Variants in CABIN1 observed in about 807,000 individuals in gnomAD.
CABIN1 encodes the protein calcineurin binding protein 1.
A neutral mutation model predicts 227.7 loss-of-function variants in CABIN1; 133 were observed. The ratio of observed to expected loss-of-function variants is 0.58; its 90% CI spans 0.51 to 0.67. CABIN1 has a LOEUF of 0.67. Among genes scored for constraint, CABIN1 ranks in the 30% least tolerant of loss-of-function variants. CABIN1 has a pLI of 0.00. For synonymous variants in CABIN1, 1,086 were observed against 1,155.1 expected (o/e 0.94, Z 1.21); for missense variants, 2,408 against 2,852.5 (o/e 0.84, Z 3.55).
At position 24,038,480 on chromosome 22, in the gene CABIN1, A is replaced by G. The variant is rs769470450; in HGVS notation, c.210+19A>G. The G allele has an allele frequency of 1.3e-6, 2 of 1,576,306 alleles. No homozygotes were observed. Among genetic ancestry groups the G allele is most frequent in the East Asian group, 2.2e-5 (1 of 44,712 alleles). On this transcript the variant is annotated intron_variant, in intron 4 of 36. Coordinates refer to ENST00000263119, the MANE Select transcript of CABIN1 (RefSeq NM_012295.4). Reference sequence around the variant, plus strand: ...GCGGGAGGTGAGGCATCAGCAGGCCAGGCAGTGTGCCGTGGTGGTTAGTGC... The same window carrying G: ...GCGGGAGGTGAGGCATCAGCAGGCCGGGCAGTGTGCCGTGGTGGTTAGTGC...
chr22:24,087,841 G>A (rs2041268882), intron 23 of CABIN1, 128 bp downstream of exon 23: 3 of 1,241,962 alleles, frequency 2.4e-6, no homozygotes, highest in Non-Finnish European at 3.4e-6. Context: ...GCTCACTGAC[G>A]AATCTCCCCA....
Position 24,136,984 on chromosome 22 carries a change from C to G in CABIN1, c.4746+2569C>G, listed in dbSNP as rs147782995. On this transcript the variant is annotated intron_variant, in intron 29 of 36. Coordinates refer to ENST00000263119, the MANE Select transcript of CABIN1 (RefSeq NM_012295.4). ...TCTGCAGTTGATAGGCGAGTTGGAG[C>G]TAGACAAGTTGCTTAATTTCCCTGT... Among the ~76,000 whole-genome samples, 3 of 152,232 alleles carry G rather than the reference C, an allele frequency of 2.0e-5. No individual in the cohort carries two copies. In the East Asian group the frequency reaches 5.8e-4, roughly 29 times the overall value.
rs775887592 is a variant in CABIN1 at position 24,070,889 on chromosome 22, A to G, written c.2322A>G (p.Ser774=). 2 of 1,614,226 alleles carry G rather than the reference A, an allele frequency of 1.2e-6. No homozygotes were observed. The highest frequency in any genetic ancestry group is 1.7e-6 in the Non-Finnish European group (2 of 1,180,030). Residue 774 remains serine, a synonymous_variant, in exon 17 of 37, where the codon TCA becomes TCG. Coordinates refer to ENST00000263119, the MANE Select transcript of CABIN1 (RefSeq NM_012295.4). ...LNEAVQQMVN[S]GEAAAKEEWV... ...AGGCTGTCCAGCAGATGGTGAACTC[A>G]GGTGAGGCTGCCGCCAAGGAGGAGT...
intron 33 of CABIN1, among the ~76,000 whole-genome samples, chr22:24,169,505 C>T (rs765205493): frequency 1.3e-4 from 20 of 152,174 alleles, no homozygotes; most frequent in Non-Finnish European, 2.2e-4. Flanking sequence ...GTGGGCCAGA[C>T]GAGGCATGCT....
At chr22:24,143,204 CA>C (rs139937060) in intron 29 of CABIN1, among the ~76,000 whole-genome samples, 8,070 of 152,262 alleles carry the variant, frequency 0.053, 297 homozygotes, top group Middle Eastern at 0.088. Flanking sequence ...AGCCTCAAGT[CA>C]GGGGCCCCCT....
At chr22:24,012,356 A>G (rs2034883308) in intron 1 of CABIN1, among the ~76,000 whole-genome samples, 1 of 152,186 alleles carries the variant, frequency 6.6e-6, no homozygotes, top group Non-Finnish European at 1.5e-5. Flanking sequence ...TGTAAAAACC[A>G]TTCTTTGCTC....
intron 29 of CABIN1, among the ~76,000 whole-genome samples, chr22:24,147,335 C>G (rs1226256802): frequency 1.6e-5 from 2 of 121,302 alleles, no homozygotes; most frequent in Admixed American, 1.7e-4. Flanking sequence ...CTCCTCTCCT[C>G]CCTCCCTCCC....
At position 24,050,953 on chromosome 22, in the gene CABIN1, T is replaced by C; in HGVS notation, c.785T>C (p.Val262Ala). 6.2e-7 allele frequency: 1 copy of C among 1,614,216 alleles called. No individual in the cohort carries two copies. The change falls in exon 8 of 37, where the codon GTG becomes GCG. Residue 262 changes from valine (V) to alanine (A), a missense_variant. Coordinates refer to ENST00000263119, the MANE Select transcript of CABIN1 (RefSeq NM_012295.4). ...GAGAAGGAGCCGGACCTGAAACTTG[T>C]GCAGCCCATTCCTTTCTTCACGTAG... is the stretch of plus-strand genomic sequence containing the variant. Reference protein sequence around the residue: ...VREKEPDLKLVQPIPFFTWKC... With the variant: ...VREKEPDLKLAQPIPFFTWKC...
At chr22:24,051,785 C>T (rs1338947601) in intron 8 of CABIN1, among the ~76,000 whole-genome samples, 2 of 152,050 alleles carry the variant, frequency 1.3e-5, no homozygotes, top group Non-Finnish European at 2.9e-5. Flanking sequence ...CAACATCTCT[C>T]TCATAGGGTT....
chr22:24,107,798 C>T (rs978767185), intron 26 of CABIN1, among the ~76,000 whole-genome samples: 16 of 152,204 alleles, frequency 1.1e-4, no homozygotes, highest in Admixed American at 3.3e-4. Context: ...GCCTGTGAGC[C>T]GGTGAGCTCG....
At chr22:24,055,257 G>A (rs1464733859) in intron 9 of CABIN1, 98 bp downstream of exon 9, 3 of 1,380,440 alleles carry the variant, frequency 2.2e-6, no homozygotes, top group Non-Finnish European at 3.0e-6. Flanking sequence ...TAGACAGAAG[G>A]GTCATGCTGA....
At chr22:24,082,136 T>G (rs2040851617) in intron 19 of CABIN1, among the ~76,000 whole-genome samples, 1 of 147,120 alleles carries the variant, frequency 6.8e-6, no homozygotes, top group Non-Finnish European at 1.5e-5. Flanking sequence ...TTGCCCATGC[T>G]AAGAGTGCAG....
Position 24,166,811 on chromosome 22 carries a change from T to G in CABIN1, c.5180T>G (p.Leu1727Arg). ...CCCGAGCCAGGAGGCAAAGTGGGCC[T>G]CCTCAACCACCGGCCTGTGGCCATG... ...PGPEPGGKVG[L>R]LNHRPVAMDA... Residue 1727 changes from leucine to arginine, a missense_variant, in exon 32 of 37, where the codon CTC becomes CGC. Leu to Arg is a moderately radical substitution (Grantham distance 102, BLOSUM62 -2). This residue lies in a region of CABIN1 where 714 missense variants were observed against 773.8 expected (regional missense o/e 0.92). Coordinates refer to ENST00000263119, the MANE Select transcript of CABIN1 (RefSeq NM_012295.4). 2 of 1,612,972 alleles carry G rather than the reference T, an allele frequency of 1.2e-6. No homozygotes were observed. Among genetic ancestry groups the G allele is most frequent in the East Asian group, 2.2e-5 (1 of 44,862 alleles).
intron 24 of CABIN1, among the ~76,000 whole-genome samples, chr22:24,094,823 CAAAAA>C (rs201624847): frequency 2.6e-5 from 2 of 78,380 alleles, no homozygotes; most frequent in African/African-American, 4.0e-5. Flanking sequence ...GACTCCGTCT[CAAAAA>C]AAAAAAAAAA....
intron 7 of CABIN1, among the ~76,000 whole-genome samples, chr22:24,050,397 G>A (rs1265847059): frequency 6.6e-6 from 1 of 152,174 alleles, no homozygotes; most frequent in Non-Finnish European, 1.5e-5. Context: ...CCAAGCCCCT[G>A]CCCTTTCTGT....
intron 7 of CABIN1, 94 bp from the exon 8 acceptor site, chr22:24,050,731 A>G: frequency 3.4e-6 from 5 of 1,460,410 alleles, no homozygotes; most frequent in Non-Finnish European, 4.8e-6. Flanking sequence ...TACACATTAA[A>G]AGGTATTAAC....
At chr22:24,144,356 C>T (rs2044976210) in intron 29 of CABIN1, among the ~76,000 whole-genome samples, 1 of 152,238 alleles carries the variant, frequency 6.6e-6, no homozygotes, top group South Asian at 2.1e-4. Context: ...CTTGCTTTCA[C>T]CATCAGAGAG....
intron 26 of CABIN1, chr22:24,102,423 C>T (rs1569218526): frequency 6.6e-6 from 1 of 152,358 alleles, no homozygotes; most frequent in African/African-American, 2.4e-5. Flanking sequence ...GGCTGAGCCT[C>T]TCTATGGTCT....
Position 24,085,116 on chromosome 22 carries a change from G to T in CABIN1, c.3228G>T (p.Lys1076Asn). The T allele has an allele frequency of 6.2e-7, 1 of 1,614,192 alleles. No individual in the cohort carries two copies. Among genetic ancestry groups the T allele is most frequent in the Non-Finnish European group, 8.5e-7 (1 of 1,180,032 alleles). Residue 1076 changes from lysine (K) to asparagine (N), a missense_variant, in exon 22 of 37, where the codon AAG becomes AAT. Lys to Asn is a moderately conservative substitution (Grantham distance 94, BLOSUM62 0). This residue lies in a region of CABIN1 where 649 missense variants were observed against 910.3 expected (regional missense o/e 0.71). Transcript: ENST00000263119. ...FKNKEQSKAIKFYMHDICICP... is the reference protein window; with the variant it reads ...FKNKEQSKAINFYMHDICICP... The stretch of plus-strand genomic sequence containing the variant: ...ACAAGGAGCAGTCCAAGGCCATCAA[G>T]TTCTACATGCATGACATCTGCATCT...
Sources: gnomAD v4.1 joint callset for allele counts (sites outside exome capture counted in the v4.1 genomes callset) on GRCh38, gnomAD v4.1.1 for gene constraint, gnomAD v4.1.1 regional missense constraint, MANE v1.5 for transcripts, NCBI Gene and HGNC (gene_info 2026-07-23, HGNC 2026-07-21) for gene names.